Variants in PRKCB observed in about 807,000 individuals in gnomAD.
The protein encoded by PRKCB is protein kinase C beta.
Under a neutral mutation model 81.5 loss-of-function variants are expected in PRKCB, and 13 were observed. That is an observed-to-expected ratio of 0.16 (90% confidence interval 0.10 to 0.25). PRKCB has a LOEUF of 0.25. Ranked by LOEUF, PRKCB falls within the 10% of genes least tolerant of loss-of-function variation. The pLI is 1.00. For missense variants in PRKCB, 509 were observed against 875.7 expected, an observed-to-expected ratio of 0.58 and a Z score of 5.29; for synonymous variants, 335 against 321.4, an observed-to-expected ratio of 1.04 and a Z score of -0.45.
chr16:24,102,967 G>T (rs965905070), intron 7 of PRKCB, among the ~76,000 whole-genome samples: 2 of 152,070 alleles, frequency 1.3e-5, no homozygotes, highest in African/African-American at 4.8e-5. Flanking sequence ...AGTCTCTGCA[G>T]GTTCAAGCGA....
intron 2 of PRKCB, among the ~76,000 whole-genome samples, chr16:23,842,097 A>T (rs186747143): frequency 3.6e-4 from 55 of 152,250 alleles, no homozygotes; most frequent in African/African-American, 1.3e-3. Context: ...GTTTTTGTAA[A>T]GGAAGTGACT....
intron 12 of PRKCB, among the ~76,000 whole-genome samples, chr16:24,175,971 C>CAA (rs34578906): frequency 1.5e-3 from 74 of 49,614 alleles, no homozygotes; most frequent in East Asian, 9.2e-3. Flanking sequence ...GACCCTGTCT[C>CAA]AAAAAAAAAA....
At position 24,181,789 on chromosome 16, in the gene PRKCB, A is replaced by AAAAAAAAAAAAG. The variant is rs1013403340; in HGVS notation, c.1533+863_1533+864insAAAAAAAAAGAA. 3.0e-3 allele frequency among the ~76,000 whole-genome samples: 418 copies of AAAAAAAAAAAAG among 138,526 alleles called. 5 individuals are homozygous for AAAAAAAAAAAAG. The highest frequency in any genetic ancestry group is 7.7e-3 in the South Asian group (30 of 3,920). 90.9% of individuals were successfully genotyped at this position (138,526 alleles called of 152,430 possible). On this transcript the variant is annotated intron_variant, in intron 13 of 16. Transcript: ENST00000643927. ...CCTGTCTCAAAAAAAAAAAAAAAAA[A>AAAAAAAAAAAAG]AAGAAGAAGAATGACAAATAACACT...
chr16:24,047,317 G>A (rs1965779601), intron 5 of PRKCB, among the ~76,000 whole-genome samples: 1 of 152,114 alleles, frequency 6.6e-6, no homozygotes, highest in Admixed American at 6.5e-5. Context: ...ACTCCAGCCT[G>A]GGTGACAGAG....
chr16:23,915,410 A>C (rs1963722748), intron 2 of PRKCB, among the ~76,000 whole-genome samples: 2 of 152,150 alleles, frequency 1.3e-5, no homozygotes, highest in East Asian at 1.9e-4. Flanking sequence ...AGAGGCTGGG[A>C]GCTGTAGTTC....
intron 9 of PRKCB, among the ~76,000 whole-genome samples, chr16:24,153,197 C>T (rs957708437): frequency 6.6e-6 from 1 of 152,222 alleles, no homozygotes; most frequent in Non-Finnish European, 1.5e-5. Flanking sequence ...TCCTCTGTTG[C>T]ATCCTCTGGT....
chr16:23,954,197 C>T (rs1038152054), intron 2 of PRKCB, among the ~76,000 whole-genome samples: 1 of 152,030 alleles, frequency 6.6e-6, no homozygotes, highest in Admixed American at 6.5e-5. Flanking sequence ...GATCTGCCCA[C>T]CTTGGCCTCT....
chr16:24,047,955 A>G (rs1231666545), intron 5 of PRKCB, among the ~76,000 whole-genome samples: 2 of 152,216 alleles, frequency 1.3e-5, no homozygotes, highest in East Asian at 3.8e-4. Flanking sequence ...GGAGAGGCAT[A>G]AGTTAGAAGG....
chr16:24,099,118 T>C (rs1038112385), intron 7 of PRKCB: 5 of 152,238 alleles, frequency 3.3e-5, no homozygotes, highest in African/African-American at 1.2e-4. Context: ...CAATAGCTAC[T>C]ACTCATTGAC....
chr16:24,154,016 A>T (rs1298252720), intron 9 of PRKCB, among the ~76,000 whole-genome samples: 3 of 152,252 alleles, frequency 2.0e-5, no homozygotes, highest in Non-Finnish European at 4.4e-5. Flanking sequence ...ACTATGAGCC[A>T]GGAGCTATTG....
chr16:23,861,245 T>C lies in PRKCB; in HGVS notation c.205+23839T>C, dbSNP rs373888488. Among the ~76,000 whole-genome samples the C allele has an allele frequency of 3.3e-5, 5 of 152,082 alleles. No homozygotes were observed. The East Asian group carries it at 5.8e-4, about 18-fold the overall frequency. ...GTGCAGTGGCACAAACACAGCTCAC[T>C]GCAGCCTCAACCTCCCAGGCTCAAG... is the stretch of plus-strand genomic sequence containing the variant. On this transcript the variant is annotated intron_variant, in intron 2 of 16. Coordinates refer to ENST00000643927, the MANE Select transcript of PRKCB (RefSeq NM_002738.7).
At chr16:23,949,020 G>T (rs112730986) in intron 2 of PRKCB, among the ~76,000 whole-genome samples, 2,662 of 152,268 alleles carry the variant, frequency 0.017, 83 homozygotes, top group African/African-American at 0.058. Context: ...ATTTTTCGAG[G>T]AGTGGTAATC....
At chr16:23,900,636 T>A (rs926638664) in intron 2 of PRKCB, among the ~76,000 whole-genome samples, 1 of 152,052 alleles carries the variant, frequency 6.6e-6, no homozygotes, top group Non-Finnish European at 1.5e-5. Context: ...TGCCTTTTTT[T>A]TTCCTATGTG....
At chr16:23,994,254 T>C (rs1199798000) in intron 3 of PRKCB, among the ~76,000 whole-genome samples, 3 of 152,170 alleles carry the variant, frequency 2.0e-5, no homozygotes, top group Non-Finnish European at 2.9e-5. Flanking sequence ...GGTGGTCAGG[T>C]GATCAATGGA....
At chr16:23,977,195 C>T (rs112299922) in intron 2 of PRKCB, among the ~76,000 whole-genome samples, 35 of 152,236 alleles carry the variant, frequency 2.3e-4, no homozygotes, top group African/African-American at 7.5e-4. Flanking sequence ...GACCTCTATA[C>T]GGTGGAACAG....
At chr16:24,153,497 G>A (rs1024003742) in intron 9 of PRKCB, among the ~76,000 whole-genome samples, 1 of 152,152 alleles carries the variant, frequency 6.6e-6, no homozygotes, top group Non-Finnish European at 1.5e-5. Context: ...CTTCCTCCAG[G>A]AAGCCTTCCT....
chr16:24,070,616 T>C (rs1966095697), intron 5 of PRKCB, among the ~76,000 whole-genome samples: 1 of 152,150 alleles, frequency 6.6e-6, no homozygotes, highest in African/African-American at 2.4e-5. Flanking sequence ...TAGCATGAAG[T>C]ATATAGCTCC....
intron 2 of PRKCB, among the ~76,000 whole-genome samples, chr16:23,960,040 T>C (rs531183827): frequency 2.7e-4 from 41 of 152,178 alleles, no homozygotes; most frequent in African/African-American, 9.9e-4. Flanking sequence ...GTCCATTCGG[T>C]CCATAGGCAT....
intron 5 of PRKCB, among the ~76,000 whole-genome samples, chr16:24,068,140 C>T (rs965715951): frequency 6.6e-6 from 1 of 152,066 alleles, no homozygotes; most frequent in Non-Finnish European, 1.5e-5. Context: ...CTTGCCAGGG[C>T]CCTCCTTTTA....
Sources: allele counts gnomAD v4.1 joint callset (sites outside exome capture counted in the v4.1 genomes callset), GRCh38; gene constraint gnomAD v4.1.1; transcripts MANE v1.5; gene names NCBI Gene and HGNC (gene_info 2026-07-23, HGNC 2026-07-21).